ABCA13: variants seen among roughly 807,000 people sequenced by gnomAD.
The protein encoded by ABCA13 is ATP-binding cassette sub-family A member 13.
ABCA13 carries 476 observed loss-of-function variants against 478.7 expected under a neutral mutation model. The observed-to-expected ratio is 0.99, with a 90% CI of 0.92 to 1.07. The LOEUF (loss-of-function observed/expected upper bound fraction) is 1.07, where lower values mean the gene tolerates loss of function less well. Ranked by LOEUF, ABCA13 falls within the 50% of genes least tolerant of loss-of-function variation. The probability of loss-of-function intolerance (pLI) is 0.00; values close to 1 mark genes in which losing one functional copy is unlikely to be tolerated. For synonymous variants in ABCA13, 2,252 were observed against 2,158.9 expected, an observed-to-expected ratio of 1.04 and a Z score of -1.20; for missense variants, 6,060 against 5,910.6, an observed-to-expected ratio of 1.03 and a Z score of -0.83.
In ABCA13 at chr7:48,516,737, T is replaced by C. The variant is rs1832146822; in HGVS notation, c.13653T>C (p.Leu4551=). The C allele has an allele frequency of 2.5e-6, 4 of 1,613,506 alleles. No homozygotes were observed. In the South Asian group the frequency reaches 4.4e-5, roughly 18 times the overall value. Residue 4551 remains leucine (L), a synonymous_variant, in exon 52 of 62, where the codon CTT becomes CTC. Transcript: ENST00000435803. ...LLLSLFGYAT[L]PWMYLMSRIF... ...CTTTACTTTTCAGATATGCAACTCT[T>C]CCATGGATGTACCTGATGTCCAGAA...
At chr7:48,254,500 G>A (rs1402218895) in intron 15 of ABCA13, among the ~76,000 whole-genome samples, 2 of 151,992 alleles carry the variant, frequency 1.3e-5, no homozygotes, top group Non-Finnish European at 2.9e-5. Context: ...GAACTCCTGG[G>A]CTTAAGAGAT....
At chr7:48,635,905 T>A (rs1283828929) in intron 59 of ABCA13, among the ~76,000 whole-genome samples, 1 of 152,194 alleles carries the variant, frequency 6.6e-6, no homozygotes, top group Non-Finnish European at 1.5e-5. Flanking sequence ...TACTGTTTTT[T>A]AAAAAATAGT....
chr7:48,335,634 C>A, intron 28 of ABCA13, 99 bp downstream of exon 28: 1 of 826,418 alleles, frequency 1.2e-6, no homozygotes, highest in Non-Finnish European at 1.9e-6. Context: ...AGAGTCACAT[C>A]AGGCATAGTG....
intron 38 of ABCA13, among the ~76,000 whole-genome samples, chr7:48,403,364 C>G (rs1034317243): frequency 3.9e-5 from 6 of 152,108 alleles, no homozygotes; most frequent in Non-Finnish European, 7.4e-5. Context: ...GATGCAGGGC[C>G]CTCCCTGGCA....
At chr7:48,519,576 G>A (rs1230325017) in intron 52 of ABCA13, among the ~76,000 whole-genome samples, 1 of 152,186 alleles carries the variant, frequency 6.6e-6, no homozygotes, top group Non-Finnish European at 1.5e-5. Context: ...GTTGGAGCGA[G>A]GGGGATGTGG....
At chr7:48,620,946 C>T (rs1325224477) in intron 59 of ABCA13, among the ~76,000 whole-genome samples, 1 of 152,088 alleles carries the variant, frequency 6.6e-6, no homozygotes, top group African/African-American at 2.4e-5. Context: ...TTAGTACAGC[C>T]CTAGTATGAG....
intron 1 of ABCA13, among the ~76,000 whole-genome samples, chr7:48,178,975 CTAATAATAA>C (rs369219799): frequency 0.17 from 23,961 of 141,920 alleles, 2,254 homozygotes; most frequent in African/African-American, 0.19. Flanking sequence ...AAAACAAAAA[CTAATAATAA>C]TAATAATAAT....
intron 1 of ABCA13, among the ~76,000 whole-genome samples, chr7:48,178,385 A>AGAAT (rs1795170606): frequency 1.3e-5 from 2 of 152,112 alleles, no homozygotes; most frequent in South Asian, 4.1e-4. Context: ...TAAGAATGTG[A>AGAAT]GAATAGTGGC....
intron 3 of ABCA13, among the ~76,000 whole-genome samples, chr7:48,216,636 G>A (rs1562798468): frequency 6.6e-6 from 1 of 151,574 alleles, no homozygotes; most frequent in Non-Finnish European, 1.5e-5. Context: ...TGTGCTTTTG[G>A]TGTCATATCT....
chr7:48,300,966 A>T (rs1015857786), intron 23 of ABCA13, among the ~76,000 whole-genome samples: 1 of 152,172 alleles, frequency 6.6e-6, no homozygotes, highest in Non-Finnish European at 1.5e-5. Context: ...CCAAATTTTT[A>T]TTCTTTTAAA....
intron 2 of ABCA13, among the ~76,000 whole-genome samples, chr7:48,196,572 C>T (rs1000007849): frequency 6.6e-6 from 1 of 152,158 alleles, no homozygotes; most frequent in Non-Finnish European, 1.5e-5. Context: ...TCAGCACCAG[C>T]CTGGCATGGC....
In ABCA13 at chr7:48,460,050, T is replaced by C. The variant is rs145760493; in HGVS notation, c.12815+4764T>C. Among the ~76,000 whole-genome samples, 14 of 152,188 alleles carry C rather than the reference T, an allele frequency of 9.2e-5. No homozygotes were observed. The East Asian group carries it at 2.7e-3, about 30-fold the overall frequency. ...CAAACTCTCTCTCTTTTTCTCCTAG[T>C]TCTCCAACTAGGAGACCTAGAAAAA... On this transcript the variant is annotated intron_variant, in intron 43 of 61. Transcript: ENST00000435803.
chr7:48,280,972 G>A (rs1383094306), intron 18 of ABCA13, among the ~76,000 whole-genome samples: 3 of 152,112 alleles, frequency 2.0e-5, no homozygotes, highest in South Asian at 4.1e-4. Flanking sequence ...CCAATCTCAG[G>A]TTTTATCTCA....
At chr7:48,566,886 C>T (rs1318547874) in intron 55 of ABCA13, among the ~76,000 whole-genome samples, 1 of 152,180 alleles carries the variant, frequency 6.6e-6, no homozygotes, top group African/African-American at 2.4e-5. Flanking sequence ...TATTTGAGTA[C>T]TGACCTCTAC....
At chr7:48,306,820 C>G (rs543367327) in intron 23 of ABCA13, among the ~76,000 whole-genome samples, 1 of 152,306 alleles carries the variant, frequency 6.6e-6, no homozygotes, top group East Asian at 1.9e-4. Context: ...GATATTTGTT[C>G]AAACATTATT....
chr7:48,270,675 G>C (rs1795477500), intron 16 of ABCA13, among the ~76,000 whole-genome samples: 2 of 152,104 alleles, frequency 1.3e-5, no homozygotes, highest in Non-Finnish European at 2.9e-5. Flanking sequence ...CCATATTTTT[G>C]TGTGGGGTGC....
intron 48 of ABCA13, among the ~76,000 whole-genome samples, chr7:48,496,019 G>A (rs901614595): frequency 1.3e-4 from 20 of 151,974 alleles, no homozygotes; most frequent in African/African-American, 4.6e-4. Flanking sequence ...TGTGTAGAGT[G>A]TATATTGTTA....
chr7:48,352,116 G>A (rs2128984927), intron 30 of ABCA13, 65 bp from the exon 31 acceptor site: 1 of 1,492,782 alleles, frequency 6.7e-7, no homozygotes, highest in Non-Finnish European at 9.1e-7. Context: ...CTCACCCAGT[G>A]TAGGCGTGGT....
intron 55 of ABCA13, among the ~76,000 whole-genome samples, chr7:48,530,014 C>T (rs974186635): frequency 1.3e-5 from 2 of 152,224 alleles, no homozygotes; most frequent in Middle Eastern, 3.4e-3. Flanking sequence ...GTGCACCTCA[C>T]CCAAGCAGTG....
Sources: gnomAD v4.1 joint callset for allele counts (sites outside exome capture counted in the v4.1 genomes callset) on GRCh38, gnomAD v4.1.1 for gene constraint, MANE v1.5 for transcripts, NCBI Gene and HGNC (gene_info 2026-07-23, HGNC 2026-07-21) for gene names.